The following SNX12 variants were observed in gnomAD, a reference collection of about 807,000 sequenced individuals.
The protein encoded by SNX12 is sorting nexin 12, also known as sorting nexin-12.
For synonymous variants in SNX12, 47 were observed against 56.0 expected (o/e 0.84, Z 0.71); for missense variants, 62 against 141.3 (o/e 0.44, Z 2.84).
chrX:71,065,701 G>A (rs1158871905), intron 1 of SNX12, among the ~76,000 whole-genome samples: 1 of 110,691 alleles, frequency 9.0e-6, no homozygotes, highest in Non-Finnish European at 1.9e-5. Flanking sequence ...CTACTTGGGA[G>A]GCTGAGGCAG....
In SNX12 at chrX:71,064,499, T is replaced by C. The variant is rs867854673; in HGVS notation, c.166-1550A>G. On this transcript the variant is annotated intron_variant, in intron 1 of 3. Coordinates refer to ENST00000374274, the MANE Select transcript of SNX12 (RefSeq NM_013346.4). ...TGCAAGTTACTCAATAAATGCTCAA[T>C]TGATTAATAGAGACTCTATGTGTCT... Among the ~76,000 whole-genome samples the C allele has an allele frequency of 5.3e-5, 6 of 112,811 alleles. No individual in the cohort carries two copies. In the South Asian group the frequency reaches 1.8e-3, roughly 34 times the overall value.
At chrX:71,071,696 T>C (rs1286044302), upstream of SNX12, among the ~76,000 whole-genome samples, 2 of 70,573 alleles carry the variant, frequency 2.8e-5, no homozygotes, top group African/African-American at 1.2e-4. Flanking sequence ...TATATATAAA[T>C]ATATAATATA....
chrX:71,069,968 A>AAG (rs57691567), upstream of SNX12, among the ~76,000 whole-genome samples: 299 of 96,280 alleles, frequency 3.1e-3, 1 homozygote, highest in Middle Eastern at 6.0e-3. Context: ...AGGAAAAGAA[A>AAG]AGAGAGAGAG....
chrX:71,063,822 C>T (rs756160198), intron 1 of SNX12, among the ~76,000 whole-genome samples: 1 of 110,509 alleles, frequency 9.0e-6, no homozygotes, highest in African/African-American at 3.3e-5. Context: ...ATCACCTGAG[C>T]CCAGGAGGTC....
chrX:71,070,127 G>A (rs1005168312), upstream of SNX12, among the ~76,000 whole-genome samples: 1 of 111,675 alleles, frequency 9.0e-6, no homozygotes, highest in African/African-American at 3.3e-5. Context: ...AGGATGATCC[G>A]CTTATATTAA....
chrX:71,071,594 T>TTTATATATTATATATAAATATATAATAA (rs1569477477), upstream of SNX12, among the ~76,000 whole-genome samples: 60 of 55,412 alleles, frequency 1.1e-3, no homozygotes, highest in African/African-American at 6.4e-3. Context: ...ATATATAATA[T>TTTATATATTATATATAAATATATAATAA]TTATATATAT....
Position 71,068,280 on chromosome X carries a change from G to A in SNX12, c.27C>T (p.Thr9=). 8.3e-7 allele frequency: 1 copy of A among 1,205,332 alleles called. No homozygotes were observed. The highest frequency in any genetic ancestry group is 1.7e-5 in the African/African-American group (1 of 57,712). Reference sequence around the variant, plus strand: ...CCTGCGGCTTCGAGTTAAGGCGCCGGGTATCAGCTACTGCCGTGTCCGACA... The same window carrying A: ...CCTGCGGCTTCGAGTTAAGGCGCCGAGTATCAGCTACTGCCGTGTCCGACA... MSDTAVAD[T]RRLNSKPQDL... Residue 9 remains threonine, a synonymous_variant, in exon 1 of 4, where the codon ACC becomes ACT. Coordinates refer to ENST00000374274, the MANE Select transcript of SNX12 (RefSeq NM_013346.4).
intron 1 of SNX12, among the ~76,000 whole-genome samples, chrX:71,064,185 T>C (rs1215946595): frequency 1.8e-5 from 2 of 111,767 alleles, no homozygotes; most frequent in South Asian, 3.7e-4. Flanking sequence ...TGAATTTAAA[T>C]TCCCTGTAAA....
chrX:71,061,282 C>A (rs765509576), intron 3 of SNX12, among the ~76,000 whole-genome samples, 164 bp from the exon 4 acceptor site: 4 of 110,957 alleles, frequency 3.6e-5, no homozygotes, highest in African/African-American at 6.6e-5. Flanking sequence ...GTAAAGGGGA[C>A]GGGGGATAGA....
At chrX:71,068,334 G>GA, upstream of SNX12, 9 of 1,161,273 alleles carry the variant, frequency 7.8e-6, no homozygotes, top group Non-Finnish European at 1.0e-5. Flanking sequence ...TGGGACCGGG[G>GA]AAAGGGGGTG....
At chrX:71,064,421 C>G (rs1281249079) in intron 1 of SNX12, among the ~76,000 whole-genome samples, 1 of 112,615 alleles carries the variant, frequency 8.9e-6, no homozygotes, top group Non-Finnish European at 1.9e-5. Context: ...ACTAACTAAT[C>G]TCATTAAGAT....
intron 1 of SNX12, 88 bp downstream of exon 1, chrX:71,068,054 G>C: frequency 3.4e-6 from 3 of 881,658 alleles, no homozygotes; most frequent in Non-Finnish European, 3.1e-6. Flanking sequence ...CTTCCCCGCC[G>C]TTAGTTGCCC....
chrX:71,070,440 G>A (rs926138172), upstream of SNX12, among the ~76,000 whole-genome samples: 3 of 111,788 alleles, frequency 2.7e-5, no homozygotes, highest in African/African-American at 9.8e-5. Context: ...GGGCTTAAAT[G>A]TGTGACCCAT....
At chrX:71,065,737 G>A (rs1192339486) in intron 1 of SNX12, among the ~76,000 whole-genome samples, 1 of 109,861 alleles carries the variant, frequency 9.1e-6, no homozygotes, top group African/African-American at 3.3e-5. Flanking sequence ...CCGGGAGGCA[G>A]AGGTTGCAGT....
chrX:71,064,236 T>C (rs1198897975), intron 1 of SNX12, among the ~76,000 whole-genome samples: 1 of 111,838 alleles, frequency 8.9e-6, no homozygotes, highest in Non-Finnish European at 1.9e-5. Context: ...CTGCTCTTCC[T>C]GTCCAAATCC....
At chrX:71,070,796 T>C (rs1028780782), upstream of SNX12, among the ~76,000 whole-genome samples, 1 of 111,427 alleles carries the variant, frequency 9.0e-6, no homozygotes, top group Non-Finnish European at 1.9e-5. Flanking sequence ...ATTGGCAGTA[T>C]GTATTTTTTT....
At chrX:71,062,704 T>C in intron 2 of SNX12, 150 bp downstream of exon 2, 1 of 438,776 alleles carries the variant, frequency 2.3e-6, no homozygotes, top group South Asian at 3.1e-5. Context: ...TCAAAAGGTA[T>C]CCCCCCGATC....
intron 1 of SNX12, 65 bp downstream of exon 1, chrX:71,068,077 C>A: frequency 1.2e-6 from 1 of 812,247 alleles, no homozygotes; most frequent in African/African-American, 2.1e-5. Flanking sequence ...GCGGTAGCCT[C>A]CCTCCCCCCT....
In SNX12 at chrX:71,068,315, AG is replaced by A. The variant is rs1405148377; in HGVS notation, c.-10del. The A allele has an allele frequency of 2.5e-6, 3 of 1,192,215 alleles. No individual in the cohort carries two copies. In the South Asian group the frequency reaches 5.5e-5, roughly 22 times the overall value. ...ACTGCCGTGTCCGACATCTTTCCGA[AG>A]GAGAGCCTGGGACCGGGGAAAGGGG... On this transcript the variant is annotated 5_prime_UTR_variant, in exon 1 of 4. Coordinates refer to ENST00000374274, the MANE Select transcript of SNX12 (RefSeq NM_013346.4).
Sources: gnomAD v4.1 joint callset for allele counts (sites outside exome capture counted in the v4.1 genomes callset) on GRCh38, gnomAD v4.1.1 for gene constraint, MANE v1.5 for transcripts, NCBI Gene and HGNC (gene_info 2026-07-23, HGNC 2026-07-21) for gene names.